The following TCF4 variants were observed in gnomAD, a reference collection of about 807,000 sequenced individuals.
TCF4 encodes SL3-3 enhancer factor 2.
TCF4 carries 3 observed loss-of-function variants against 82.1 expected under a neutral mutation model. That is an observed-to-expected ratio of 0.04 (90% CI 0.02 to 0.09). The LOEUF (loss-of-function observed/expected upper bound fraction) is 0.09. Ranked by LOEUF, TCF4 falls within the 10% of genes least tolerant of loss-of-function variation. The pLI, the probability that TCF4 is intolerant of heterozygous loss-of-function variation, is 1.00. For synonymous variants in TCF4, 276 were observed against 309.6 expected (o/e 0.89, Z 1.14); for missense variants, 518 against 852.7 (o/e 0.61, Z 4.89).
At chr18:55,282,101 T>C (rs1438977121) in intron 8 of TCF4, among the ~76,000 whole-genome samples, 3 of 152,020 alleles carry the variant, frequency 2.0e-5, no homozygotes, top group African/African-American at 7.2e-5. Flanking sequence ...GATACAATGT[T>C]ATTCATCTTC....
intron 3 of TCF4, among the ~76,000 whole-genome samples, chr18:55,516,064 G>C (rs1160244058): frequency 2.0e-5 from 3 of 152,122 alleles, no homozygotes; most frequent in Non-Finnish European, 2.9e-5. Flanking sequence ...GGTGGTGGTG[G>C]TGTGTATGTG....
At chr18:55,439,405 C>G (rs2095395100) in intron 5 of TCF4, among the ~76,000 whole-genome samples, 1 of 152,138 alleles carries the variant, frequency 6.6e-6, no homozygotes, top group Non-Finnish European at 1.5e-5. Context: ...AAAGCAAGAC[C>G]AGGGATGATG....
At chr18:55,432,747 A>G (rs544654107) in intron 5 of TCF4, among the ~76,000 whole-genome samples, 1 of 152,324 alleles carries the variant, frequency 6.6e-6, no homozygotes, top group Middle Eastern at 3.4e-3. Context: ...CAAATTTATG[A>G]AAGATTGTAA....
At chr18:55,457,456 A>T (rs976424917) in intron 5 of TCF4, among the ~76,000 whole-genome samples, 1 of 152,210 alleles carries the variant, frequency 6.6e-6, no homozygotes, top group African/African-American at 2.4e-5. Flanking sequence ...CACACACAAG[A>T]TTATTTCTAA....
chr18:55,543,089 TA>T (rs1215256132), intron 3 of TCF4, among the ~76,000 whole-genome samples: 1 of 152,088 alleles, frequency 6.6e-6, no homozygotes, highest in Non-Finnish European at 1.5e-5. Context: ...ACAACCATTC[TA>T]AATTAAATGG....
At chr18:55,590,350 C>A (rs890733858), upstream of TCF4, among the ~76,000 whole-genome samples, 1 of 152,230 alleles carries the variant, frequency 6.6e-6, no homozygotes, top group African/African-American at 2.4e-5. Context: ...CCAACTCCCC[C>A]ACCCTATCTT....
chr18:55,376,298 T>C (rs993925786), intron 6 of TCF4, among the ~76,000 whole-genome samples: 2 of 152,112 alleles, frequency 1.3e-5, no homozygotes, highest in Admixed American at 6.5e-5. Flanking sequence ...AGTGCTGGGA[T>C]TACAGGTGTA....
intron 6 of TCF4, among the ~76,000 whole-genome samples, chr18:55,352,188 C>T (rs755333912): frequency 1.3e-5 from 2 of 152,154 alleles, no homozygotes; most frequent in South Asian, 2.1e-4. Context: ...AGGCAGTCAC[C>T]AACTAAAACA....
chr18:55,414,332 A>G (rs766303028), intron 5 of TCF4, among the ~76,000 whole-genome samples: 24 of 152,240 alleles, frequency 1.6e-4, no homozygotes, highest in Middle Eastern at 3.4e-3. Context: ...GAAAAGAAAA[A>G]AAAAACGTAG....
At chr18:55,486,487 G>C (rs2096516979) in intron 3 of TCF4, among the ~76,000 whole-genome samples, 1 of 152,188 alleles carries the variant, frequency 6.6e-6, no homozygotes, top group Non-Finnish European at 1.5e-5. Flanking sequence ...AGCCACTCAG[G>C]AGGCTGAGGC....
intron 5 of TCF4, among the ~76,000 whole-genome samples, chr18:55,407,194 T>C (rs1048519832): frequency 6.6e-6 from 1 of 152,116 alleles, no homozygotes; most frequent in Admixed American, 6.6e-5. Flanking sequence ...GGTGACGATT[T>C]GCCGTGCATG....
At chr18:55,490,205 A>G (rs2096561525) in intron 3 of TCF4, among the ~76,000 whole-genome samples, 1 of 152,210 alleles carries the variant, frequency 6.6e-6, no homozygotes, top group South Asian at 2.1e-4. Flanking sequence ...GCCAGTCAAA[A>G]TGGGATTTCT....
Position 55,299,761 on chromosome 18 carries a change from C to T in TCF4, c.550-20105G>A, listed in dbSNP as rs548832812. Among the ~76,000 whole-genome samples, 250 of 152,156 alleles carry T rather than the reference C, an allele frequency of 1.6e-3. 1 individual carries two copies. The highest frequency in any genetic ancestry group is 5.7e-3 in the African/African-American group (238 of 41,518). The stretch of plus-strand genomic sequence containing the variant: ...CTATAATGTTCTTTTCTCCTCTTTG[C>T]CTCTCACCATTCCCCAATAGTAGAC... On this transcript the variant is annotated intron_variant, in intron 8 of 19. Coordinates refer to ENST00000354452, the MANE Select transcript of TCF4 (RefSeq NM_001083962.2).
chr18:55,526,394 T>C (rs2096984406), intron 3 of TCF4, among the ~76,000 whole-genome samples: 1 of 152,196 alleles, frequency 6.6e-6, no homozygotes, highest in South Asian at 2.1e-4. Flanking sequence ...CTTTGTTCAT[T>C]CATAACCAAT....
chr18:55,230,458 T>C (rs2047618624), intron 17 of TCF4: 1 of 152,224 alleles, frequency 6.6e-6, no homozygotes, highest in African/African-American at 2.4e-5. Context: ...GAGCAGCACG[T>C]GCTATAAAGC....
intron 8 of TCF4, among the ~76,000 whole-genome samples, chr18:55,303,181 G>T (rs1385507124): frequency 6.7e-6 from 1 of 149,438 alleles, no homozygotes; most frequent in African/African-American, 2.5e-5. Flanking sequence ...GGAGAGGAAA[G>T]AAGAACCTCC....
At chr18:55,349,079 C>T (rs76272430) in intron 8 of TCF4, among the ~76,000 whole-genome samples, 2,533 of 152,142 alleles carry the variant, frequency 0.017, 99 homozygotes, top group South Asian at 0.15. Flanking sequence ...GAAATTCAAA[C>T]AATAAACAAC....
At chr18:55,559,711 T>C (rs1169705140) in intron 3 of TCF4, among the ~76,000 whole-genome samples, 3 of 152,026 alleles carry the variant, frequency 2.0e-5, no homozygotes, top group East Asian at 1.9e-4. Context: ...GGCTCCAAAG[T>C]TTTATGCTTG....
intron 6 of TCF4, among the ~76,000 whole-genome samples, chr18:55,377,045 C>T (rs1200028345): frequency 6.6e-6 from 1 of 152,186 alleles, no homozygotes; most frequent in Non-Finnish European, 1.5e-5. Context: ...ACCAGGGCCC[C>T]ACACTTTCAG....
Sources: gnomAD v4.1 joint callset for allele counts (sites outside exome capture counted in the v4.1 genomes callset) on GRCh38, gnomAD v4.1.1 for gene constraint, MANE v1.5 for transcripts, NCBI Gene and HGNC (gene_info 2026-07-23, HGNC 2026-07-21) for gene names.